The following MMRN2 variants were observed in gnomAD, a reference collection of about 807,000 sequenced individuals.
MMRN2 encodes multimerin-2.
Under a neutral mutation model 68.8 loss-of-function variants are expected in MMRN2, and 53 were observed. That is an observed-to-expected ratio of 0.77 (90% CI 0.62 to 0.97). The LOEUF (loss-of-function observed/expected upper bound fraction) is 0.97, where lower values mean the gene tolerates loss of function less well. Among genes scored for constraint, MMRN2 ranks in the 50% least tolerant of loss-of-function variants. The pLI is 0.00. For synonymous variants in MMRN2, 564 were observed against 551.6 expected, an observed-to-expected ratio of 1.02 and a Z score of -0.32; for missense variants, 1,266 against 1,259.5, an observed-to-expected ratio of 1.01 and a Z score of -0.08.
chr10:86,942,778 G>C lies in MMRN2; in HGVS notation c.2006C>G (p.Ser669Trp). The change falls in exon 6 of 7, where the codon TCG (serine) becomes TGG (tryptophan). Residue 669 changes from serine (S) to tryptophan (W), a missense_variant. Ser to Trp is a radical substitution (Grantham distance 177, BLOSUM62 -3). Coordinates refer to ENST00000372027, the MANE Select transcript of MMRN2 (RefSeq NM_024756.3). ...AARVTALEQA[S>W]EPPRPAEHLE... ...GTGCTCTGCCGGCCGCGGGGGCTCC[G>C]AGGCCTGCTCCAGGGCCGTCACTCG... 2 of 1,371,464 alleles carry C rather than the reference G, an allele frequency of 1.5e-6. No individual in the cohort carries two copies. The highest frequency in any genetic ancestry group is 1.9e-6 in the Non-Finnish European group (2 of 1,068,100). 85.0% of individuals were successfully genotyped at this position (1,371,464 alleles called of 1,614,324 possible). A position where few individuals can be genotyped will look rare whatever the true frequency, so the allele number is the denominator to read the frequency against.
intron 1 of MMRN2, among the ~76,000 whole-genome samples, chr10:86,954,746 C>T (rs1174972976): frequency 1.3e-5 from 2 of 150,514 alleles, no homozygotes; most frequent in East Asian, 2.0e-4. Flanking sequence ...GAGCTAAGAA[C>T]CCCTGAGCGT....
chr10:86,945,950 A>G, intron 1 of MMRN2: 1 of 836,522 alleles, frequency 1.2e-6, no homozygotes. Flanking sequence ...GAAACCCACC[A>G]CAATCTAGAA....
At chr10:86,945,161 G>A (rs1252463614) in intron 4 of MMRN2, 27 bp downstream of exon 4, 1 of 1,607,518 alleles carries the variant, frequency 6.2e-7, no homozygotes, top group Non-Finnish European at 8.5e-7. Context: ...CAGCCTGCCT[G>A]CCTTCCCCTT....
In MMRN2 at chr10:86,943,326, G is replaced by A. The variant is rs1844007289; in HGVS notation, c.1458C>T (p.Ile486=). The change falls in exon 6 of 7, where the codon ATC becomes ATT. Residue 486 remains isoleucine (I), a synonymous_variant. Coordinates refer to ENST00000372027, the MANE Select transcript of MMRN2 (RefSeq NM_024756.3). The surrounding 1 kb of genome is among the most constrained non-coding windows in gnomAD (Gnocchi z 4.2). ...GGCAATTGCAGTCCTTCACGTACTT[G>A]ATGAGGTCGGCATGGCCACCCTGCA... ...QHLQGGHADL[I]KYVKDCNCQK... 6.2e-7 allele frequency: 1 copy of A among 1,613,908 alleles called. No individual in the cohort carries two copies. Among genetic ancestry groups the A allele is most frequent in the Non-Finnish European group, 8.5e-7 (1 of 1,180,002 alleles).
At chr10:86,952,737 T>C (rs1377635760) in intron 1 of MMRN2, among the ~76,000 whole-genome samples, 1 of 152,200 alleles carries the variant, frequency 6.6e-6, no homozygotes, top group East Asian at 1.9e-4. Context: ...TGGTTCCATG[T>C]ATTGTCTTGA....
intron 1 of MMRN2, 79 bp downstream of exon 1, chr10:86,957,299 G>A (rs761142954): frequency 1.5e-5 from 22 of 1,471,702 alleles, no homozygotes; most frequent in Non-Finnish European, 2.0e-5. Context: ...CCCCAGTGAG[G>A]TCTAGAGAGG....
At chr10:86,945,901 C>T in intron 1 of MMRN2, 2 of 1,371,640 alleles carry the variant, frequency 1.5e-6, no homozygotes, top group Non-Finnish European at 1.9e-6. Flanking sequence ...CCTGCTCCAC[C>T]ACCTTCCCGA....
In MMRN2 at chr10:86,943,706, C is replaced by A; in HGVS notation, c.1078G>T (p.Ala360Ser). The A allele has an allele frequency of 6.2e-7, 1 of 1,609,586 alleles. No homozygotes were observed. The change falls in exon 6 of 7, where the codon GCT (alanine) becomes TCT (serine). Residue 360 changes from alanine to serine, a missense_variant. Transcript: ENST00000372027. This position sits in a 1 kb window ranked among gnomAD's most constrained non-coding sequence, Gnocchi z 4.2. The stretch of plus-strand genomic sequence containing the variant: ...CTGTCCGGCTCAGGCCTTGCCCCAG[C>A]CCCAGGCGTTGCCAACACCAGACTG... ...NGSLVLATPGAGARPEPDSLQ... is the reference protein window; with the variant it reads ...NGSLVLATPGSGARPEPDSLQ...
intron 6 of MMRN2, among the ~76,000 whole-genome samples, chr10:86,937,647 T>C (rs1843900258): frequency 1.3e-5 from 2 of 152,160 alleles, no homozygotes; most frequent in South Asian, 2.1e-4. Flanking sequence ...GTATCCCTGA[T>C]TGACAAAACA....
At chr10:86,938,980 T>C (rs2133674260) in intron 6 of MMRN2, among the ~76,000 whole-genome samples, 1 of 148,336 alleles carries the variant, frequency 6.7e-6, no homozygotes, top group East Asian at 2.0e-4. Context: ...GTGACCAACA[T>C]GGAGAAATCC....
At position 86,945,255 on chromosome 10, in the gene MMRN2, G is replaced by A; in HGVS notation, c.414C>T (p.Ile138=). 1.9e-6 allele frequency: 3 copies of A among 1,613,806 alleles called. No individual in the cohort carries two copies. Among genetic ancestry groups the A allele is most frequent in the African/African-American group, 1.3e-5 (1 of 75,054 alleles). Residue 138 remains isoleucine, a synonymous_variant, in exon 4 of 7, where the codon ATC becomes ATT. Transcript: ENST00000372027. ...TGTCACCAGGATCTGCAGGCTCAGG[G>A]ATTGCCATGGAATCTGCAGAAGAAA... The part of the protein sequence containing the change: ...PNCEHHDSMA[I]PEPADPGDSH...
At chr10:86,950,161 A>G (rs1042080132) in intron 1 of MMRN2, among the ~76,000 whole-genome samples, 14 of 152,220 alleles carry the variant, frequency 9.2e-5, no homozygotes, top group African/African-American at 3.4e-4. Flanking sequence ...CCTGGCCAAC[A>G]TAGTGACACC....
At position 86,943,091 on chromosome 10, in the gene MMRN2, G is replaced by C; in HGVS notation, c.1693C>G (p.Arg565Gly). 1 of 1,450,540 alleles carries C rather than the reference G, an allele frequency of 6.9e-7. No individual in the cohort carries two copies. The highest frequency in any genetic ancestry group is 9.0e-7 in the Non-Finnish European group (1 of 1,110,876). 89.9% of individuals were successfully genotyped at this position (1,450,540 alleles called of 1,614,324 possible). ...TCATCCAGCGCCTGCACTTGGCTCC[G>C]GAGCCGCGACGTGGCCGCCCGCGCC... The part of the protein sequence containing the change: ...ERARAATSRL[R>G]SQVQALDDEV... The change falls in exon 6 of 7, where the codon CGG (arginine) becomes GGG (glycine). Residue 565 changes from arginine (R) to glycine (G), a missense_variant. Arg to Gly is a moderately radical substitution (Grantham distance 125). Transcript: ENST00000372027. The surrounding 1 kb of genome is among the most constrained non-coding windows in gnomAD (Gnocchi z 4.2).
chr10:86,943,691 C>G lies in MMRN2; in HGVS notation c.1093G>C (p.Glu365Gln). 1 of 1,610,634 alleles carries G rather than the reference C, an allele frequency of 6.2e-7. No homozygotes were observed. Among genetic ancestry groups the G allele is most frequent in the East Asian group, 2.2e-5 (1 of 44,876 alleles). ...LATPGAGARP[E>Q]PDSLQARLGQ... is the part of the protein sequence containing the mutation. Reference sequence around the variant, plus strand: ...AGCCTGGCCTGCAGGCTGTCCGGCTCAGGCCTTGCCCCAGCCCCAGGCGTT... The same window carrying G: ...AGCCTGGCCTGCAGGCTGTCCGGCTGAGGCCTTGCCCCAGCCCCAGGCGTT... Residue 365 changes from glutamate to glutamine, a missense_variant, in exon 6 of 7, where the codon GAG (glutamate) becomes CAG (glutamine). Glu to Gln is a conservative substitution (Grantham distance 29). Transcript: ENST00000372027. This position sits in a 1 kb window ranked among gnomAD's most constrained non-coding sequence, Gnocchi z 4.2.
At chr10:86,947,295 G>T (rs1358756389) in intron 1 of MMRN2, among the ~76,000 whole-genome samples, 1 of 152,124 alleles carries the variant, frequency 6.6e-6, no homozygotes, top group Non-Finnish European at 1.5e-5. Flanking sequence ...CTCTGGAGCC[G>T]GTCTTTGTCC....
chr10:86,945,669 A>T lies in MMRN2; in HGVS notation c.185T>A (p.Met62Lys). The T allele has an allele frequency of 6.2e-7, 1 of 1,614,052 alleles. No individual in the cohort carries two copies. Among genetic ancestry groups the T allele is most frequent in the Non-Finnish European group, 8.5e-7 (1 of 1,180,018 alleles). Residue 62 changes from methionine to lysine, a missense_variant, in exon 2 of 7, where the codon ATG becomes AAG. Physicochemically the swap from Met to Lys is moderately conservative, Grantham distance 95 (BLOSUM62 -1). Transcript: ENST00000372027. Reference sequence around the variant, plus strand: ...AGCTAGTAAGGTGACCAGCTTGGACATTGGGTAGGGGCACCAGTTACTGGA... The same window carrying T: ...AGCTAGTAAGGTGACCAGCTTGGACTTTGGGTAGGGGCACCAGTTACTGGA... ...PVGRNWCPYP[M>K]SKLVTLLALC...
intron 1 of MMRN2, chr10:86,949,462 T>G (rs760736179): frequency 2.0e-5 from 3 of 151,250 alleles, no homozygotes; most frequent in Non-Finnish European, 2.9e-5. Context: ...CTCAAGTGAC[T>G]GAGGTGGGAG....
At chr10:86,956,440 C>A (rs1039447677) in intron 1 of MMRN2, among the ~76,000 whole-genome samples, 1 of 152,232 alleles carries the variant, frequency 6.6e-6, no homozygotes, top group African/African-American at 2.4e-5. Flanking sequence ...GTTGGCCCCC[C>A]CCTCACTCCC....
At chr10:86,940,153 G>A (rs1448581833) in intron 6 of MMRN2, among the ~76,000 whole-genome samples, 1 of 151,688 alleles carries the variant, frequency 6.6e-6, no homozygotes, top group African/African-American at 2.4e-5. Flanking sequence ...GCTGGGATTA[G>A]GCGCCCGCCA....
Sources: gnomAD v4.1 joint callset for allele counts (sites outside exome capture counted in the v4.1 genomes callset) on GRCh38, gnomAD v4.1.1 for gene constraint, Gnocchi (gnomAD v3.1) non-coding constraint, MANE v1.5 for transcripts, NCBI Gene and HGNC (gene_info 2026-07-23, HGNC 2026-07-21) for gene names.